The following RPS6KC1 variants were observed in gnomAD, a reference collection of about 807,000 sequenced individuals.
The protein encoded by RPS6KC1 is ribosomal protein S6 kinase C1.
RPS6KC1 carries 54 observed loss-of-function variants against 103.8 expected under a neutral mutation model. The ratio of observed to expected loss-of-function variants is 0.52; its 90% CI spans 0.42 to 0.65. RPS6KC1 has a LOEUF of 0.65. Among genes scored for constraint, RPS6KC1 ranks in the 30% least tolerant of loss-of-function variants. RPS6KC1 has a pLI of 0.00. For missense variants in RPS6KC1, 1,151 were observed against 1,253.8 expected (o/e 0.92, Z 1.24); for synonymous variants, 439 against 438.7 (o/e 1.00, Z -0.01).
the RPS6KC1 span, among the ~76,000 whole-genome samples, chr1:213,543,703 C>T: frequency 3.3e-5 from 5 of 152,184 alleles, no homozygotes; most frequent in Admixed American, 2.6e-4. Flanking sequence ...AACAATTCAC[C>T]CAATAAAGAA....
chr1:213,293,564 C>CT, the RPS6KC1 span, among the ~76,000 whole-genome samples: 69 of 151,974 alleles, frequency 4.5e-4, no homozygotes, highest in African/African-American at 1.7e-3. Context: ...TTCTTTTTTC[C>CT]TTTTTTTAAA....
the RPS6KC1 span, among the ~76,000 whole-genome samples, chr1:213,738,439 G>A: frequency 2.6e-5 from 4 of 152,126 alleles, no homozygotes; most frequent in East Asian, 1.9e-4. Flanking sequence ...CTGATGAGGC[G>A]GAGTTTAGAA....
At chr1:213,309,837 A>G in the RPS6KC1 span, among the ~76,000 whole-genome samples, 1 of 152,144 alleles carries the variant, frequency 6.6e-6, no homozygotes, top group Non-Finnish European at 1.5e-5. Context: ...GGTGTCTGCC[A>G]CAATGCCTGG....
At chr1:213,449,392 T>G in the RPS6KC1 span, among the ~76,000 whole-genome samples, 1 of 152,186 alleles carries the variant, frequency 6.6e-6, no homozygotes, top group Non-Finnish European at 1.5e-5. Context: ...CCAAGATCAA[T>G]GTGTTGGCAG....
chr1:213,292,522 C>T, the RPS6KC1 span, among the ~76,000 whole-genome samples: 1 of 152,158 alleles, frequency 6.6e-6, no homozygotes, highest in Non-Finnish European at 1.5e-5. Flanking sequence ...TTGAGAAACC[C>T]TTTCCTGTGA....
At chr1:213,852,465 T>A in the RPS6KC1 span, among the ~76,000 whole-genome samples, 1 of 152,202 alleles carries the variant, frequency 6.6e-6, no homozygotes, top group African/African-American at 2.4e-5. Flanking sequence ...TTATCTTTTT[T>A]AAATGATCTC....
chr1:213,254,019 G>A (rs540612172), intron 12 of RPS6KC1, among the ~76,000 whole-genome samples: 3 of 152,288 alleles, frequency 2.0e-5, no homozygotes, highest in Admixed American at 6.5e-5. Flanking sequence ...TACCAAGACA[G>A]CATTATTTTT....
intron 8 of RPS6KC1, among the ~76,000 whole-genome samples, chr1:213,180,294 C>T (rs1391871904): frequency 2.0e-5 from 3 of 152,152 alleles, no homozygotes. Context: ...CTAAAATCAT[C>T]TCAGTTAAAC....
the RPS6KC1 span, among the ~76,000 whole-genome samples, chr1:213,479,673 C>T: frequency 1.3e-4 from 20 of 151,996 alleles, no homozygotes; most frequent in African/African-American, 4.8e-4. Flanking sequence ...CATGAGTAAT[C>T]ACCAATCAAA....
the RPS6KC1 span, among the ~76,000 whole-genome samples, chr1:213,301,698 CTTAT>C: frequency 0.29 from 41,432 of 140,642 alleles, 6,312 homozygotes; most frequent in South Asian, 0.35. Context: ...GACCCATTTA[CTTAT>C]TTATTTATTT....
chr1:213,480,229 T>C, the RPS6KC1 span, among the ~76,000 whole-genome samples: 1 of 152,058 alleles, frequency 6.6e-6, no homozygotes, highest in Non-Finnish European at 1.5e-5. Context: ...TTCCTCTCCA[T>C]GATCGTGGTC....
At chr1:213,629,684 G>A in the RPS6KC1 span, among the ~76,000 whole-genome samples, 1 of 152,176 alleles carries the variant, frequency 6.6e-6, no homozygotes, top group African/African-American at 2.4e-5. Context: ...AGCCTCGACG[G>A]TCTTTACAAT....
At chr1:213,854,562 TTC>T in the RPS6KC1 span, among the ~76,000 whole-genome samples, 8,883 of 121,830 alleles carry the variant, frequency 0.073, 362 homozygotes, top group East Asian at 0.12. Context: ...CTTTCTTTCT[TTC>T]TCTCTCTCTC....
chr1:213,306,442 C>T, the RPS6KC1 span, among the ~76,000 whole-genome samples: 2 of 152,082 alleles, frequency 1.3e-5, no homozygotes, highest in South Asian at 4.2e-4. Flanking sequence ...TGAGAGCATC[C>T]ATTATGTAGG....
At chr1:213,144,404 T>G (rs2087466342) in intron 6 of RPS6KC1, among the ~76,000 whole-genome samples, 1 of 151,978 alleles carries the variant, frequency 6.6e-6, no homozygotes, top group African/African-American at 2.4e-5. Context: ...GCCTTCAGAG[T>G]AGCTGGGATT....
intron 7 of RPS6KC1, among the ~76,000 whole-genome samples, chr1:213,172,256 C>T (rs1441523457): frequency 5.9e-5 from 9 of 152,032 alleles, no homozygotes; most frequent in Admixed American, 4.6e-4. Context: ...GTGAAAAAGA[C>T]AGTGGGCAGG....
intron 1 of RPS6KC1, among the ~76,000 whole-genome samples, chr1:213,067,759 A>T (rs556574475): frequency 2.6e-5 from 4 of 152,322 alleles, no homozygotes; most frequent in Non-Finnish European, 4.4e-5. Flanking sequence ...ATGTATGTAA[A>T]CCACTAAGAG....
the RPS6KC1 span, among the ~76,000 whole-genome samples, chr1:213,847,744 C>T: frequency 6.6e-6 from 1 of 152,082 alleles, no homozygotes; most frequent in East Asian, 1.9e-4. Context: ...CCTCAACTAC[C>T]AGCCCCATCC....
chr1:213,722,061 G>A, the RPS6KC1 span, among the ~76,000 whole-genome samples: 2 of 152,132 alleles, frequency 1.3e-5, no homozygotes, highest in Non-Finnish European at 2.9e-5. Flanking sequence ...CAGATCTTGA[G>A]GGCCAGGATT....
Sources: gnomAD v4.1 joint callset for allele counts (sites outside exome capture counted in the v4.1 genomes callset) on GRCh38, gnomAD v4.1.1 for gene constraint, MANE v1.5 for transcripts, NCBI Gene and HGNC (gene_info 2026-07-23, HGNC 2026-07-21) for gene names.